RNF38: variants seen among roughly 807,000 people sequenced by gnomAD.
RNF38 encodes ring finger protein 38.
Under a neutral mutation model 67.2 loss-of-function variants are expected in RNF38, and 15 were observed. The observed-to-expected ratio is 0.22, with a 90% CI of 0.15 to 0.34. The LOEUF is 0.34. Ranked by LOEUF, RNF38 falls within the 10% of genes least tolerant of loss-of-function variation. The pLI is 1.00. For missense variants in RNF38, 524 were observed against 639.9 expected (o/e 0.82, Z 1.95); for synonymous variants, 220 against 218.8 (o/e 1.01, Z -0.05).
At chr9:36,470,813 A>C (rs1288134110) in intron 1 of RNF38, among the ~76,000 whole-genome samples, 1 of 152,110 alleles carries the variant, frequency 6.6e-6, no homozygotes, top group Non-Finnish European at 1.5e-5. Flanking sequence ...GCATGGAGGA[A>C]GGAAAACTAT....
rs1838689084 is a variant in RNF38, at chr9:36,423,707, T to C, written n.312+906A>G. ...GCTCACGCCTGTAATCCCAGCACTT[T>C]GGGAGGCCGAGGCGGGCGGATCACG... is the stretch of plus-strand genomic sequence containing the variant. On this transcript the variant is annotated intron_variant and non_coding_transcript_variant, in intron 2 of 3. Transcript: ENST00000488058. 7.8e-5 allele frequency among the ~76,000 whole-genome samples: 2 copies of C among 25,802 alleles called. 1 individual carries two copies. The highest frequency in any genetic ancestry group is 2.5e-4 in the African/African-American group (2 of 8,024). The allele number at this position is 25,802 out of a possible 152,430, so 16.9% of individuals were successfully genotyped here.
Position 36,357,918 on chromosome 9 carries a change from A to T in RNF38, c.595T>A (p.Ser199Thr). Residue 199 changes from serine to threonine, a missense_variant, in exon 5 of 12, where the codon TCT becomes ACT. Physicochemically the swap from Ser to Thr is moderately conservative, Grantham distance 58 (BLOSUM62 1). This residue lies in a region of RNF38 where 461 missense variants were observed against 517.4 expected (regional missense o/e 0.89). Transcript: ENST00000259605. ...DQLHQGTVPV[S>T]YTVTTVAPHG... ...GGTGCCACTGTTGTTACTGTGTAAGAAACAGGGACTGTTCCTTGATGGAGC... is the reference window on the plus strand; with the variant it reads ...GGTGCCACTGTTGTTACTGTGTAAGTAACAGGGACTGTTCCTTGATGGAGC... 6.2e-7 allele frequency: 1 copy of T among 1,613,852 alleles called. No individual in the cohort carries two copies. The highest frequency in any genetic ancestry group is 8.5e-7 in the Non-Finnish European group (1 of 1,179,828).
intron 3 of RNF38, among the ~76,000 whole-genome samples, chr9:36,371,603 AG>A (rs1341825372): frequency 6.6e-6 from 1 of 151,528 alleles, no homozygotes; most frequent in African/African-American, 2.4e-5. Context: ...TCCACCACCA[AG>A]CCCAGTTAAT....
chr9:36,466,171 G>A (rs1485855730), intron 1 of RNF38, among the ~76,000 whole-genome samples: 1 of 152,232 alleles, frequency 6.6e-6, no homozygotes, highest in African/African-American at 2.4e-5. Flanking sequence ...CAAATTGTAT[G>A]ATTCCATTTA....
rs144654810 is a variant in RNF38 at position 36,393,976 on chromosome 9, G to A, written c.13-3360C>T. 2.0e-5 allele frequency among the ~76,000 whole-genome samples: 3 copies of A among 152,168 alleles called. No individual in the cohort carries two copies. The East Asian group carries it at 5.8e-4, about 29-fold the overall frequency. ...TACCAGTGAACTTGGAAGGAGACAC[G>A]GATGAAATCACAGCTCTGGGCCGGG... On this transcript the variant is annotated intron_variant, in intron 1 of 11. Coordinates refer to ENST00000259605, the MANE Select transcript of RNF38 (RefSeq NM_022781.5).
At chr9:36,442,480 C>T (rs993558682) in intron 1 of RNF38, among the ~76,000 whole-genome samples, 14 of 152,178 alleles carry the variant, frequency 9.2e-5, no homozygotes, top group African/African-American at 3.4e-4. Context: ...TTTAAAAATA[C>T]ATTAAAAATT....
upstream of RNF38, among the ~76,000 whole-genome samples, chr9:36,401,911 T>G (rs1838049145): frequency 6.6e-6 from 1 of 152,174 alleles, no homozygotes; most frequent in Non-Finnish European, 1.5e-5. Flanking sequence ...AGTCTCTCTT[T>G]CCCTCTCTGG....
At chr9:36,433,775 A>G (rs375707125) in intron 1 of RNF38, among the ~76,000 whole-genome samples, 1 of 152,246 alleles carries the variant, frequency 6.6e-6, no homozygotes, top group African/African-American at 2.4e-5. Context: ...TAAAGTAAAA[A>G]TGACACCTTG....
chr9:36,442,440 A>C (rs1839212271), intron 1 of RNF38, among the ~76,000 whole-genome samples: 1 of 152,330 alleles, frequency 6.6e-6, no homozygotes, highest in East Asian at 1.9e-4. Flanking sequence ...GATAGTGACC[A>C]AACTGTCAGC....
chr9:36,363,078 T>C (rs1171197760), intron 4 of RNF38, among the ~76,000 whole-genome samples: 1 of 99,382 alleles, frequency 1.0e-5, no homozygotes, highest in African/African-American at 3.0e-5. Context: ...CATCCATCCA[T>C]CCATCCATCC....
rs1475358924 is a variant in RNF38, at chr9:36,480,647, G to A, written n.241+6661C>T. On this transcript the variant is annotated intron_variant and non_coding_transcript_variant, in intron 1 of 3. Transcript: ENST00000488058. ...ACTCACTGCAATCTCCGCCTCCCAGGCTCAAGCGATTCTCGTGCCTCAGCC... is the reference window on the plus strand; with the variant it reads ...ACTCACTGCAATCTCCGCCTCCCAGACTCAAGCGATTCTCGTGCCTCAGCC... 6.7e-5 allele frequency among the ~76,000 whole-genome samples: 10 copies of A among 149,104 alleles called. No individual in the cohort carries two copies. The Admixed American group carries it at 6.8e-4, about 10-fold the overall frequency.
At chr9:36,479,034 C>G (rs994909536) in intron 1 of RNF38, among the ~76,000 whole-genome samples, 4 of 152,064 alleles carry the variant, frequency 2.6e-5, no homozygotes, top group East Asian at 1.9e-4. Context: ...TTTAAAGCTG[C>G]AAGTATTATA....
intron 1 of RNF38, among the ~76,000 whole-genome samples, chr9:36,432,654 G>T (rs867763116): frequency 3.9e-5 from 6 of 151,936 alleles, no homozygotes; most frequent in Admixed American, 1.3e-4. Context: ...TTAGCTGGGC[G>T]TGGTGGTGGG....
At chr9:36,463,163 G>A (rs1839775432) in intron 1 of RNF38, among the ~76,000 whole-genome samples, 2 of 152,056 alleles carry the variant, frequency 1.3e-5, no homozygotes, top group Non-Finnish European at 1.5e-5. Context: ...GCATATTTAT[G>A]CTTACTGTCT....
intron 2 of RNF38, among the ~76,000 whole-genome samples, chr9:36,380,089 T>C (rs1836097939): frequency 6.6e-6 from 1 of 152,206 alleles, no homozygotes. Flanking sequence ...CAGAACAGAA[T>C]GGAAGTATAA....
intron 3 of RNF38, among the ~76,000 whole-genome samples, chr9:36,373,646 A>G (rs1671858870): frequency 7.0e-6 from 1 of 143,862 alleles, no homozygotes; most frequent in African/African-American, 2.6e-5. Flanking sequence ...CCCAGGCTGG[A>G]GTGCAGTGGC....
chr9:36,484,814 T>G (rs968698356), intron 1 of RNF38, among the ~76,000 whole-genome samples: 1 of 152,208 alleles, frequency 6.6e-6, no homozygotes, highest in African/African-American at 2.4e-5. Flanking sequence ...CCTATTTTAA[T>G]GAGTGAGGCT....
At chr9:36,396,480 T>C (rs1837519229) in intron 1 of RNF38, among the ~76,000 whole-genome samples, 1 of 152,162 alleles carries the variant, frequency 6.6e-6, no homozygotes, top group Admixed American at 6.5e-5. Context: ...AAGAGTTCTA[T>C]CACTGGGCCT....
chr9:36,435,833 G>A (rs1203092165), intron 1 of RNF38, among the ~76,000 whole-genome samples: 1 of 152,104 alleles, frequency 6.6e-6, no homozygotes, highest in African/African-American at 2.4e-5. Flanking sequence ...GTTTCACGGT[G>A]TTAGCCAGGA....
Sources: allele counts gnomAD v4.1 joint callset (sites outside exome capture counted in the v4.1 genomes callset), GRCh38; gene constraint gnomAD v4.1.1; regional missense constraint gnomAD v4.1.1; transcripts MANE v1.5; gene names NCBI Gene and HGNC (gene_info 2026-07-23, HGNC 2026-07-21).